AFG1L: variants seen among roughly 807,000 people sequenced by gnomAD.
AFG1L encodes AFG1-like ATPase.
A neutral mutation model predicts 62.2 loss-of-function variants in AFG1L; 53 were observed. The observed-to-expected ratio is 0.85, with a 90% confidence interval of 0.68 to 1.07. The LOEUF is 1.07. Ranked by LOEUF, AFG1L falls within the 50% of genes least tolerant of loss-of-function variation. The probability of loss-of-function intolerance (pLI) is 0.00; values close to 1 mark genes in which losing one functional copy is unlikely to be tolerated. For missense variants in AFG1L, 555 were observed against 590.5 expected, an observed-to-expected ratio of 0.94 and a Z score of 0.62; for synonymous variants, 228 against 210.3, an observed-to-expected ratio of 1.08 and a Z score of -0.73.
chr6:108,309,657 A>G (rs564096023), intron 1 of AFG1L, among the ~76,000 whole-genome samples: 1 of 152,334 alleles, frequency 6.6e-6, no homozygotes, highest in South Asian at 2.1e-4. Context: ...TGGGAAAGTG[A>G]ATCTACTTTT....
At chr6:108,371,094 TG>T (rs1258221174) in intron 6 of AFG1L, among the ~76,000 whole-genome samples, 1 of 152,196 alleles carries the variant, frequency 6.6e-6, no homozygotes, top group East Asian at 1.9e-4. Context: ...ATGCCTTGTT[TG>T]GGTCCAAGGC....
At chr6:108,401,183 C>T (rs1247882905) in intron 6 of AFG1L, among the ~76,000 whole-genome samples, 5 of 148,654 alleles carry the variant, frequency 3.4e-5, no homozygotes, top group Non-Finnish European at 6.0e-5. Context: ...TCGCCCAGGC[C>T]GGACTGCGGA....
chr6:108,426,979 T>C (rs1770844368), intron 7 of AFG1L, among the ~76,000 whole-genome samples: 1 of 152,204 alleles, frequency 6.6e-6, no homozygotes, highest in Non-Finnish European at 1.5e-5. Context: ...TAGTTTTGTT[T>C]TGTTGTAAGT....
At chr6:108,361,805 C>A (rs1162721710) in intron 5 of AFG1L, among the ~76,000 whole-genome samples, 1 of 152,204 alleles carries the variant, frequency 6.6e-6, no homozygotes, top group South Asian at 2.1e-4. Context: ...TTTGAAATTG[C>A]AGCTTACCGT....
At chr6:108,424,009 A>G (rs1422379983) in intron 7 of AFG1L, among the ~76,000 whole-genome samples, 1 of 152,134 alleles carries the variant, frequency 6.6e-6, no homozygotes, top group Non-Finnish European at 1.5e-5. Context: ...AATGTGGAAT[A>G]TATATGTAAT....
chr6:108,431,979 A>C (rs949026363), intron 7 of AFG1L, among the ~76,000 whole-genome samples: 1 of 142,296 alleles, frequency 7.0e-6, no homozygotes, highest in Non-Finnish European at 1.5e-5. Flanking sequence ...AGACCCTACA[A>C]CTCTCTGTGC....
chr6:108,384,080 AG>A (rs1184383578), intron 6 of AFG1L, among the ~76,000 whole-genome samples: 9 of 150,254 alleles, frequency 6.0e-5, no homozygotes, highest in African/African-American at 2.2e-4. Flanking sequence ...AAAAAAAAAA[AG>A]GCTGGCAGAT....
At chr6:108,403,424 C>A (rs1781717953) in intron 7 of AFG1L, among the ~76,000 whole-genome samples, 2 of 152,106 alleles carry the variant, frequency 1.3e-5, no homozygotes, top group Non-Finnish European at 2.9e-5. Flanking sequence ...ATTCCCTATG[C>A]TATACTTAGG....
chr6:108,310,771 C>A (rs1447434729), intron 1 of AFG1L, among the ~76,000 whole-genome samples: 1 of 151,912 alleles, frequency 6.6e-6, no homozygotes, highest in Non-Finnish European at 1.5e-5. Flanking sequence ...GATGGGGTTT[C>A]GCCATGTTGG....
At chr6:108,387,813 G>A (rs1325024873) in intron 6 of AFG1L, 1 of 152,114 alleles carries the variant, frequency 6.6e-6, no homozygotes, top group Non-Finnish European at 1.5e-5. Flanking sequence ...AGAAGTCAGA[G>A]AAAGATGCTA....
intron 6 of AFG1L, among the ~76,000 whole-genome samples, chr6:108,374,215 G>T (rs918018840): frequency 1.3e-5 from 2 of 151,888 alleles, no homozygotes; most frequent in Non-Finnish European, 2.9e-5. Flanking sequence ...TGTTTAATTT[G>T]CTTATAGATT....
chr6:108,419,766 T>C (rs1432290966), intron 7 of AFG1L, among the ~76,000 whole-genome samples: 1 of 152,166 alleles, frequency 6.6e-6, no homozygotes, highest in Non-Finnish European at 1.5e-5. Context: ...ATATATTAGT[T>C]TTTATGTTTT....
chr6:108,469,368 TA>T (rs971768399), intron 8 of AFG1L, among the ~76,000 whole-genome samples: 5 of 150,728 alleles, frequency 3.3e-5, no homozygotes, highest in Admixed American at 1.3e-4. Context: ...CAAGGGACAT[TA>T]AAAAAAAAGA....
chr6:108,347,166 TAGGGAGAGAAGAAA>T (rs918440931), intron 3 of AFG1L, 127 bp downstream of exon 3: 61 of 784,230 alleles, frequency 7.8e-5, no homozygotes, highest in Non-Finnish European at 1.2e-4. Flanking sequence ...CAGGGTAAGG[TAGGGAGAGAAGAAA>T]AGGGAGAGAG....
At chr6:108,444,589 T>C (rs977183715) in intron 7 of AFG1L, among the ~76,000 whole-genome samples, 8 of 152,250 alleles carry the variant, frequency 5.3e-5, no homozygotes, top group African/African-American at 1.7e-4. Context: ...ATGGATGTTA[T>C]GTTAACAGGC....
At chr6:108,315,840 G>T (rs1280409316) in intron 1 of AFG1L, among the ~76,000 whole-genome samples, 1 of 152,134 alleles carries the variant, frequency 6.6e-6, no homozygotes. Context: ...TTGAGCCCAG[G>T]AGTTTAAGAC....
At chr6:108,501,245 G>A (rs2114877193) in intron 10 of AFG1L, among the ~76,000 whole-genome samples, 1 of 152,252 alleles carries the variant, frequency 6.6e-6, no homozygotes, top group Admixed American at 6.5e-5. Flanking sequence ...CGCCTGCCTT[G>A]GCCTCCCAAA....
At chr6:108,355,818 C>T (rs184261823) in intron 4 of AFG1L, 63 bp downstream of exon 4, 1 of 1,076,936 alleles carries the variant, frequency 9.3e-7, no homozygotes, top group East Asian at 2.4e-5. Flanking sequence ...TGGTTTTCTT[C>T]ATTGAATGAA....
chr6:108,327,796 G>A (rs1051353374), intron 2 of AFG1L, among the ~76,000 whole-genome samples: 3 of 152,140 alleles, frequency 2.0e-5, no homozygotes, highest in Non-Finnish European at 2.9e-5. Flanking sequence ...TTCTCTCTGT[G>A]TGTCTGTAGT....
Sources: gnomAD v4.1 joint callset for allele counts (sites outside exome capture counted in the v4.1 genomes callset) on GRCh38, gnomAD v4.1.1 for gene constraint, MANE v1.5 for transcripts, NCBI Gene and HGNC (gene_info 2026-07-23, HGNC 2026-07-21) for gene names.